Variants in KIFBP observed in about 807,000 individuals in gnomAD.
The protein encoded by KIFBP is KIF-binding protein.
In KIFBP, 46 loss-of-function variants were observed where a neutral mutation model predicts 58.9. That is an observed-to-expected ratio of 0.78 (90% CI 0.62 to 1.00). The LOEUF (loss-of-function observed/expected upper bound fraction) is 1.00, where lower values mean the gene tolerates loss of function less well. Ranked by LOEUF, KIFBP falls within the 50% of genes least tolerant of loss-of-function variation. The pLI is 0.00. For synonymous variants in KIFBP, 241 were observed against 283.4 expected, an observed-to-expected ratio of 0.85 and a Z score of 1.50; for missense variants, 651 against 752.9, an observed-to-expected ratio of 0.86 and a Z score of 1.58.
At chr10:69,010,423 C>T (rs968073225) in intron 5 of KIFBP, among the ~76,000 whole-genome samples, 12 of 152,162 alleles carry the variant, frequency 7.9e-5, no homozygotes, top group African/African-American at 2.9e-4. Context: ...TGACAGCTGA[C>T]TTTGTAGATT....
chr10:69,014,658 G>A (rs920923293), intron 6 of KIFBP, among the ~76,000 whole-genome samples: 3 of 146,734 alleles, frequency 2.0e-5, no homozygotes, highest in Non-Finnish European at 4.6e-5. Flanking sequence ...ATTTTTATTG[G>A]CCAAGAAGAG....
In KIFBP at chr10:68,988,969, T is replaced by G; in HGVS notation, c.137T>G (p.Val46Gly). Residue 46 changes from valine to glycine, a missense_variant, in exon 1 of 7, where the codon GTC (valine) becomes GGC (glycine). Val to Gly is a moderately radical substitution (Grantham distance 109). Coordinates refer to ENST00000361983, the MANE Select transcript of KIFBP (RefSeq NM_015634.4). The part of the protein sequence containing the change: ...KYSARALLEE[V>G]KALLGPAPED... Reference sequence around the variant, plus strand: ...AGCGCCCGGGCGCTACTGGAAGAGGTCAAGGCGCTGCTCGGCCCTGCGCCT... The same window carrying G: ...AGCGCCCGGGCGCTACTGGAAGAGGGCAAGGCGCTGCTCGGCCCTGCGCCT... The G allele has an allele frequency of 1.9e-6, 3 of 1,614,092 alleles. No homozygotes were observed. Among genetic ancestry groups the G allele is most frequent in the Non-Finnish European group, 2.5e-6 (3 of 1,179,994 alleles).
chr10:69,012,037 A>G (rs575830282), intron 6 of KIFBP, among the ~76,000 whole-genome samples: 63 of 152,250 alleles, frequency 4.1e-4, no homozygotes, highest in African/African-American at 1.5e-3. Flanking sequence ...TCTTACACAC[A>G]GCATGGACTT....
chr10:69,014,745 G>C (rs1838968581), intron 6 of KIFBP, among the ~76,000 whole-genome samples: 1 of 146,530 alleles, frequency 6.8e-6, no homozygotes, highest in African/African-American at 2.6e-5. Context: ...AGGTAGAGGA[G>C]ATAAAACTTT....
At position 68,988,856 on chromosome 10, in the gene KIFBP, G is replaced by A. The variant is rs1324706110; in HGVS notation, c.24G>A (p.Glu8=). The A allele has an allele frequency of 6.2e-7, 1 of 1,614,258 alleles. No homozygotes were observed. The highest frequency in any genetic ancestry group is 1.7e-5 in the Admixed American group (1 of 60,036). Residue 8 remains glutamate, a synonymous_variant, in exon 1 of 7, where the codon GAG becomes GAA. Coordinates refer to ENST00000361983, the MANE Select transcript of KIFBP (RefSeq NM_015634.4). The part of the protein sequence containing the change: MANVPWA[E]VCEKFQAALA... ...CTATGGCGAACGTTCCGTGGGCAGAGGTCTGCGAGAAATTCCAGGCGGCGC... is the reference window on the plus strand; with the variant it reads ...CTATGGCGAACGTTCCGTGGGCAGAAGTCTGCGAGAAATTCCAGGCGGCGC...
Position 69,000,501 on chromosome 10 carries a change from A to T in KIFBP, c.504A>T (p.Leu168=), listed in dbSNP as rs1843455213. 6.2e-7 allele frequency: 1 copy of T among 1,606,402 alleles called. No individual in the cohort carries two copies. The highest frequency in any genetic ancestry group is 8.5e-7 in the Non-Finnish European group (1 of 1,173,104). The change falls in exon 2 of 7, where the codon CTA becomes CTT. Residue 168 remains leucine, a synonymous_variant. Coordinates refer to ENST00000361983, the MANE Select transcript of KIFBP (RefSeq NM_015634.4). ...CTTACCTAGAGTCATCAGAAGCACT[A>T]TATAATCAGTATATGAAAGAGGTAT... ...AQAYLESSEA[L]YNQYMKEVGS... is the part of the protein sequence containing the mutation.
intron 1 of KIFBP, among the ~76,000 whole-genome samples, chr10:68,992,302 A>G (rs1165097133): frequency 6.6e-6 from 1 of 152,060 alleles, no homozygotes; most frequent in Non-Finnish European, 1.5e-5. Context: ...CCTTTTAAAA[A>G]TTTTTGCATG....
intron 4 of KIFBP, among the ~76,000 whole-genome samples, chr10:69,008,391 A>AAAAAAAAAAAAAT: frequency 8.7e-4 from 62 of 71,586 alleles, no homozygotes; most frequent in Middle Eastern, 0.01. Flanking sequence ...AAAAAAAAAA[A>AAAAAAAAAAAAAT]ATATATATAT....
intron 4 of KIFBP, 38 bp downstream of exon 4, chr10:69,005,953 TAGTG>T (rs1197708670): frequency 1.5e-5 from 24 of 1,555,914 alleles, no homozygotes; most frequent in Admixed American, 5.1e-5. Context: ...AGAGTACCAA[TAGTG>T]AGTATAAAAA....
Position 69,015,986 on chromosome 10 carries a change from A to T in KIFBP, c.1436A>T (p.His479Leu). Residue 479 changes from histidine (H) to leucine (L), a missense_variant, in exon 7 of 7, where the codon CAT becomes CTT. Coordinates refer to ENST00000361983, the MANE Select transcript of KIFBP (RefSeq NM_015634.4). ...AGACAGATCCAGTTTGAAATTGCACATGCTTACTATGATATGATGGATTTG... is the reference window on the plus strand; with the variant it reads ...AGACAGATCCAGTTTGAAATTGCACTTGCTTACTATGATATGATGGATTTG... ...VNRQIQFEIA[H>L]AYYDMMDLKV... 6.2e-7 allele frequency: 1 copy of T among 1,614,198 alleles called. No homozygotes were observed. Among genetic ancestry groups the T allele is most frequent in the East Asian group, 2.2e-5 (1 of 44,892 alleles).
In KIFBP at chr10:69,008,594, A is replaced by G. The variant is rs537576574; in HGVS notation, c.790-247A>G. Among the ~76,000 whole-genome samples, 11 of 151,626 alleles carry G rather than the reference A, an allele frequency of 7.3e-5. No homozygotes were observed. In the South Asian group the frequency reaches 2.1e-3, roughly 29 times the overall value. Reference sequence around the variant, plus strand: ...ACTTTCAGTTGGCAGTTGTCTTTCAATCCGAGTGGATTATTATTAAGAGTT... The same window carrying G: ...ACTTTCAGTTGGCAGTTGTCTTTCAGTCCGAGTGGATTATTATTAAGAGTT... On this transcript the variant is annotated intron_variant, in intron 4 of 6. Coordinates refer to ENST00000361983, the MANE Select transcript of KIFBP (RefSeq NM_015634.4).
chr10:68,998,002 A>G (rs905570994), intron 1 of KIFBP, among the ~76,000 whole-genome samples: 3 of 152,010 alleles, frequency 2.0e-5, no homozygotes, highest in Non-Finnish European at 4.4e-5. Flanking sequence ...CTCCCCAGCC[A>G]TACCTCCTGT....
intron 1 of KIFBP, among the ~76,000 whole-genome samples, chr10:68,991,982 T>G (rs78521703): frequency 1.3e-5 from 2 of 151,306 alleles, no homozygotes; most frequent in African/African-American, 4.8e-5. Context: ...TTTTTTTTTT[T>G]GCTTGTTTTT....
chr10:69,000,044 CAAAAAAA>C (rs766080138), intron 1 of KIFBP, among the ~76,000 whole-genome samples: 1 of 50,676 alleles, frequency 2.0e-5, no homozygotes, highest in Non-Finnish European at 4.1e-5. Flanking sequence ...GACTCCGTCT[CAAAAAAA>C]AAAAAAAAAA....
In KIFBP at chr10:69,011,031, G is replaced by A; in HGVS notation, c.990+16G>A. ...CTCCATGCAGGTAATGCAGTCAGAA[G>A]CTGCCTTTTTCTTTCTTAAATGAGG... On this transcript the variant is annotated intron_variant, in intron 6 of 6. Coordinates refer to ENST00000361983, the MANE Select transcript of KIFBP (RefSeq NM_015634.4). 3 of 1,562,676 alleles carry A rather than the reference G, an allele frequency of 1.9e-6. No homozygotes were observed. Among genetic ancestry groups the A allele is most frequent in the Non-Finnish European group, 2.6e-6 (3 of 1,133,102 alleles).
intron 2 of KIFBP, among the ~76,000 whole-genome samples, chr10:69,001,730 C>T (rs538998953): frequency 1.8e-4 from 27 of 148,884 alleles, no homozygotes; most frequent in Middle Eastern, 3.4e-3. Context: ...CCGGCCTGGG[C>T]GACAGTGAGA....
At chr10:69,012,447 A>G (rs957223805) in intron 6 of KIFBP, among the ~76,000 whole-genome samples, 1 of 152,064 alleles carries the variant, frequency 6.6e-6, no homozygotes, top group Non-Finnish European at 1.5e-5. Context: ...GTGTAGATAC[A>G]TAGGAAGATT....
chr10:69,015,639 G>C lies in KIFBP; in HGVS notation c.1089G>C (p.Val363=). ...DEEESIRKKA[V]QFGTGELCDA... is the part of the protein sequence containing the mutation. ...AGGAAAGCATTCGGAAAAAAGCTGT[G>C]CAGTTTGGAACCGGTGAACTGTGTG... The change falls in exon 7 of 7, where the codon GTG becomes GTC. Residue 363 remains valine (V), a synonymous_variant. Transcript: ENST00000361983. 6.2e-7 allele frequency: 1 copy of C among 1,614,086 alleles called. No individual in the cohort carries two copies. Among genetic ancestry groups the C allele is most frequent in the Non-Finnish European group, 8.5e-7 (1 of 1,179,982 alleles).
intron 1 of KIFBP, among the ~76,000 whole-genome samples, chr10:68,996,366 G>A (rs1843407521): frequency 1.3e-5 from 2 of 152,086 alleles, no homozygotes; most frequent in African/African-American, 4.8e-5. Context: ...TTCAAGACAA[G>A]CCTGGCCAAC....
Sources: allele counts gnomAD v4.1 joint callset (sites outside exome capture counted in the v4.1 genomes callset), GRCh38; gene constraint gnomAD v4.1.1; transcripts MANE v1.5; gene names NCBI Gene and HGNC (gene_info 2026-07-23, HGNC 2026-07-21).